Variants in SAMD5 observed in about 807,000 individuals in gnomAD.
The protein encoded by SAMD5 is sterile alpha motif domain-containing protein 5.
A neutral mutation model predicts 11.3 loss-of-function variants in SAMD5; 13 were observed. The ratio of observed to expected loss-of-function variants is 1.15; its 90% CI spans 0.75 to 1.83. The LOEUF is 1.83. Ranked by LOEUF, SAMD5 falls within the 40% of genes most tolerant of loss-of-function variation. SAMD5 has a pLI of 0.00. For synonymous variants in SAMD5, 129 were observed against 111.3 expected (o/e 1.16, Z -1.00); for missense variants, 255 against 239.1 (o/e 1.07, Z -0.44).
chr6:147,726,548 A>AGGCCCC (rs1278147676), intron 1 of SAMD5, among the ~76,000 whole-genome samples: 18 of 152,334 alleles, frequency 1.2e-4, no homozygotes, highest in African/African-American at 4.1e-4. Context: ...GTCCAGGCCC[A>AGGCCCC]GGCCCCGGCC....
downstream of SAMD5, among the ~76,000 whole-genome samples, chr6:147,571,895 C>T (rs140666137): frequency 1.8e-3 from 270 of 152,242 alleles, 2 homozygotes; most frequent in South Asian, 0.013. Flanking sequence ...TTCAGTCTCC[C>T]ATCTGCAAAA....
At chr6:147,545,582 T>C (rs1406382712) in intron 1 of SAMD5, among the ~76,000 whole-genome samples, 2 of 152,166 alleles carry the variant, frequency 1.3e-5, no homozygotes, top group East Asian at 3.9e-4. Flanking sequence ...CTGTGGGGGA[T>C]GGAAATGTAG....
At chr6:147,944,182 C>T in the SAMD5 span, among the ~76,000 whole-genome samples, 1 of 152,224 alleles carries the variant, frequency 6.6e-6, no homozygotes, top group Non-Finnish European at 1.5e-5. Context: ...CATACATCTC[C>T]TCCCCTAAGA....
intron 1 of SAMD5, among the ~76,000 whole-genome samples, chr6:147,531,752 GA>G (rs1313534224): frequency 6.6e-6 from 1 of 152,152 alleles, no homozygotes; most frequent in Non-Finnish European, 1.5e-5. Context: ...GGATATTATA[GA>G]GTTTATTTAT....
rs151018664 is a variant in SAMD5, at chr6:147,716,625, C to T, written c.163-20692C>T. ...AGGAGGTGGGGCTTCCACCTGTTTCCGGCTCCTGTCGGCTCTGTGGAGCAC... is the reference window on the plus strand; with the variant it reads ...AGGAGGTGGGGCTTCCACCTGTTTCTGGCTCCTGTCGGCTCTGTGGAGCAC... On this transcript the variant is annotated intron_variant, in intron 1 of 1. Coordinates refer to the SAMD5 transcript ENST00000566741. Among the ~76,000 whole-genome samples the T allele has an allele frequency of 6.5e-3, 987 of 152,314 alleles. 12 individuals are homozygous for T. Among genetic ancestry groups the T allele is most frequent in the African/African-American group, 0.022 (919 of 41,584 alleles).
At chr6:147,617,343 C>T (rs761123719) in intron 1 of SAMD5, among the ~76,000 whole-genome samples, 2 of 152,144 alleles carry the variant, frequency 1.3e-5, no homozygotes, top group Non-Finnish European at 2.9e-5. Context: ...TCAGCCCTGG[C>T]CTCCATGCCC....
At chr6:147,626,726 G>A (rs2128450877) in intron 1 of SAMD5, among the ~76,000 whole-genome samples, 1 of 144,466 alleles carries the variant, frequency 6.9e-6, no homozygotes, top group African/African-American at 2.5e-5. Context: ...GGCCAAGACG[G>A]CAGGGTCGCT....
chr6:147,927,630 C>T, the SAMD5 span, among the ~76,000 whole-genome samples: 94 of 152,250 alleles, frequency 6.2e-4, no homozygotes, highest in Non-Finnish European at 1.1e-3. Flanking sequence ...AGTTTGACAT[C>T]CTTTCTTCCT....
At chr6:147,603,106 C>G (rs1209593110) in intron 1 of SAMD5, among the ~76,000 whole-genome samples, 1 of 152,126 alleles carries the variant, frequency 6.6e-6, no homozygotes, top group Admixed American at 6.5e-5. Flanking sequence ...TACCCAAGTT[C>G]AAGATTCTCA....
chr6:147,796,396 T>C, the SAMD5 span, among the ~76,000 whole-genome samples: 1 of 152,186 alleles, frequency 6.6e-6, no homozygotes, highest in African/African-American at 2.4e-5. Flanking sequence ...GCATTATTTC[T>C]GAGGGCTCTG....
chr6:147,556,048 C>T (rs959721700), intron 1 of SAMD5, among the ~76,000 whole-genome samples: 1 of 151,682 alleles, frequency 6.6e-6, no homozygotes, highest in Non-Finnish European at 1.5e-5. Flanking sequence ...GTTTATTTTT[C>T]ACAAAAATAT....
chr6:147,614,430 T>C (rs1179430288), intron 1 of SAMD5, among the ~76,000 whole-genome samples: 2 of 151,070 alleles, frequency 1.3e-5, no homozygotes, highest in East Asian at 3.9e-4. Context: ...GATTGTGCCG[T>C]TGCACTCCAG....
chr6:147,706,726 G>T lies in SAMD5; in HGVS notation c.163-30591G>T, dbSNP rs1049695850. On this transcript the variant is annotated intron_variant, in intron 1 of 1. Transcript: ENST00000566741. The stretch of plus-strand genomic sequence containing the variant: ...TGAGTATGCGTGGATTTTGCTATAT[G>T]CAGGGAGTCTTGCAACCCATCTCCT... Among the ~76,000 whole-genome samples the T allele has an allele frequency of 2.0e-5, 3 of 152,202 alleles. No individual in the cohort carries two copies. The East Asian group carries it at 5.8e-4, about 29-fold the overall frequency.
At chr6:147,686,531 A>G (rs925810110) in intron 1 of SAMD5, among the ~76,000 whole-genome samples, 5 of 152,178 alleles carry the variant, frequency 3.3e-5, no homozygotes, top group African/African-American at 1.2e-4. Context: ...AGATCATCCT[A>G]TCACTACTGC....
At chr6:147,952,276 A>T in the SAMD5 span, among the ~76,000 whole-genome samples, 3 of 152,164 alleles carry the variant, frequency 2.0e-5, no homozygotes, top group African/African-American at 7.2e-5. Flanking sequence ...CTTGTATTTG[A>T]TATATCAAGA....
the SAMD5 span, among the ~76,000 whole-genome samples, chr6:147,859,333 TA>T: frequency 6.6e-6 from 1 of 152,156 alleles, no homozygotes; most frequent in Non-Finnish European, 1.5e-5. Flanking sequence ...ATGCCTACCA[TA>T]GGAAACAATT....
chr6:147,740,261 C>T (rs58592548), downstream of SAMD5, among the ~76,000 whole-genome samples: 4,424 of 152,244 alleles, frequency 0.029, 201 homozygotes, highest in African/African-American at 0.1. Context: ...CCCAGAGATA[C>T]GCATCAGGAA....
chr6:147,733,730 AT>A, intron 1 of SAMD5: 2 of 882,454 alleles, frequency 2.3e-6, no homozygotes, highest in Non-Finnish European at 1.4e-6. Context: ...GTTTTCTAGG[AT>A]TTAAAATTAT....
At chr6:147,934,971 A>C in the SAMD5 span, among the ~76,000 whole-genome samples, 4 of 152,142 alleles carry the variant, frequency 2.6e-5, no homozygotes, top group African/African-American at 9.7e-5. Flanking sequence ...GAGCTCATTC[A>C]GGTTTCAGAC....
Sources: allele counts gnomAD v4.1 joint callset (sites outside exome capture counted in the v4.1 genomes callset), GRCh38; gene constraint gnomAD v4.1.1; transcripts MANE v1.5; gene names NCBI Gene and HGNC (gene_info 2026-07-23, HGNC 2026-07-21).